LRRC4C: variants seen among roughly 807,000 people sequenced by gnomAD.
LRRC4C encodes the protein leucine rich repeat containing 4C.
LRRC4C carries 5 observed loss-of-function variants against 33.6 expected under a neutral mutation model. The ratio of observed to expected loss-of-function variants is 0.15; its 90% CI spans 0.08 to 0.31. The LOEUF (loss-of-function observed/expected upper bound fraction) is 0.31, where lower values mean the gene tolerates loss of function less well. LRRC4C is among the 10% of genes least tolerant of loss of function. The pLI is 1.00. For synonymous variants in LRRC4C, 329 were observed against 302.0 expected (o/e 1.09, Z -0.93); for missense variants, 560 against 796.7 (o/e 0.70, Z 3.58).
At chr11:40,555,335 A>G (rs917929626) in intron 3 of LRRC4C, among the ~76,000 whole-genome samples, 2 of 152,146 alleles carry the variant, frequency 1.3e-5, no homozygotes, top group African/African-American at 4.8e-5. Flanking sequence ...TGGTCCTGTC[A>G]AGATGTATAT....
intron 3 of LRRC4C, among the ~76,000 whole-genome samples, chr11:40,417,396 A>G (rs1325664855): frequency 6.6e-6 from 1 of 152,036 alleles, no homozygotes; most frequent in Non-Finnish European, 1.5e-5. Context: ...CAGTGGCATG[A>G]TCCCGGCTCA....
chr11:40,725,509 C>T (rs968686090), intron 2 of LRRC4C, among the ~76,000 whole-genome samples: 4 of 149,804 alleles, frequency 2.7e-5, no homozygotes, highest in Non-Finnish European at 4.4e-5. Flanking sequence ...GAGCGAGACT[C>T]TGTTTAAAAA....
chr11:41,028,055 C>T (rs544098371), intron 1 of LRRC4C, among the ~76,000 whole-genome samples: 1 of 151,726 alleles, frequency 6.6e-6, no homozygotes, highest in Non-Finnish European at 1.5e-5. Context: ...TGGCCTAGCA[C>T]AAAGGGATGC....
intron 1 of LRRC4C, among the ~76,000 whole-genome samples, chr11:41,386,275 T>C (rs553042040): frequency 6.6e-6 from 1 of 151,504 alleles, no homozygotes; most frequent in South Asian, 2.1e-4. Flanking sequence ...AAAAGAAAAG[T>C]TGAGATTATG....
chr11:40,835,253 A>T (rs1383909930), intron 2 of LRRC4C, among the ~76,000 whole-genome samples: 1 of 152,208 alleles, frequency 6.6e-6, no homozygotes, highest in Non-Finnish European at 1.5e-5. Flanking sequence ...AAAAAGAGTT[A>T]CTAAAAGAAT....
rs1388328805 is a variant in LRRC4C at position 41,145,513 on chromosome 11, T to C, written c.-495-211790A>G. 5.1e-5 allele frequency among the ~76,000 whole-genome samples: 6 copies of C among 118,714 alleles called. 1 individual carries two copies. In the East Asian group the frequency reaches 1.3e-3, roughly 26 times the overall value. 77.9% of individuals were successfully genotyped at this position (118,714 alleles called of 152,430 possible). A position where few individuals can be genotyped will look rare whatever the true frequency, so the allele number is the denominator to read the frequency against. On this transcript the variant is annotated intron_variant, in intron 1 of 6. Coordinates refer to ENST00000528697, the MANE Select transcript of LRRC4C (RefSeq NM_001258419.2). Reference sequence around the variant, plus strand: ...AGCCCATGCACATTTATTTATATATTGCCTATGGCTGCTTTTATGCTACAA... The same window carrying C: ...AGCCCATGCACATTTATTTATATATCGCCTATGGCTGCTTTTATGCTACAA...
chr11:41,098,150 C>T (rs1940936692), intron 1 of LRRC4C, among the ~76,000 whole-genome samples: 1 of 152,112 alleles, frequency 6.6e-6, no homozygotes, highest in African/African-American at 2.4e-5. Flanking sequence ...GGCTGCTCCT[C>T]TGCTTTCCTT....
At chr11:40,916,123 G>A (rs1172748419) in intron 2 of LRRC4C, among the ~76,000 whole-genome samples, 8 of 152,206 alleles carry the variant, frequency 5.3e-5, no homozygotes, top group Non-Finnish European at 1.0e-4. Context: ...TTCAACCATT[G>A]TGGAAGTCAG....
chr11:41,226,739 A>ATT (rs1947552888), intron 1 of LRRC4C, among the ~76,000 whole-genome samples: 1 of 65,932 alleles, frequency 1.5e-5, no homozygotes, highest in Non-Finnish European at 2.8e-5. Flanking sequence ...AATCCTTACC[A>ATT]TTACACACAC....
intron 3 of LRRC4C, among the ~76,000 whole-genome samples, chr11:40,417,899 A>G (rs1349046222): frequency 2.0e-5 from 3 of 152,176 alleles, no homozygotes; most frequent in African/African-American, 7.2e-5. Flanking sequence ...ACTTTGAATC[A>G]CGAGTCTGGT....
At chr11:41,320,456 C>T (rs1298041085) in intron 1 of LRRC4C, among the ~76,000 whole-genome samples, 1 of 152,192 alleles carries the variant, frequency 6.6e-6, no homozygotes, top group Non-Finnish European at 1.5e-5. Flanking sequence ...ATAGTGATTT[C>T]CATTTCTGTC....
chr11:41,138,458 GAGA>G (rs1446422514), intron 1 of LRRC4C, among the ~76,000 whole-genome samples: 1 of 152,146 alleles, frequency 6.6e-6, no homozygotes, highest in Non-Finnish European at 1.5e-5. Context: ...ACACTCCCTG[GAGA>G]AGGACATTTT....
chr11:40,749,308 C>A (rs1390069884), intron 2 of LRRC4C, among the ~76,000 whole-genome samples: 2 of 151,400 alleles, frequency 1.3e-5, no homozygotes, highest in African/African-American at 4.9e-5. Flanking sequence ...AGATTAATAC[C>A]AAGAGGCATT....
intron 3 of LRRC4C, among the ~76,000 whole-genome samples, chr11:40,475,455 G>T (rs553593032): frequency 6.6e-6 from 1 of 152,228 alleles, no homozygotes; most frequent in African/African-American, 2.4e-5. Flanking sequence ...CTGTCAGTGA[G>T]TGGGGGCTAG....
At chr11:41,219,139 T>G (rs1590968584) in intron 1 of LRRC4C, among the ~76,000 whole-genome samples, 1 of 152,288 alleles carries the variant, frequency 6.6e-6, no homozygotes, top group South Asian at 2.1e-4. Flanking sequence ...GTGAGCTGAC[T>G]TCTTATCGAA....
At chr11:40,584,012 G>T (rs535785018) in intron 3 of LRRC4C, among the ~76,000 whole-genome samples, 1 of 151,390 alleles carries the variant, frequency 6.6e-6, no homozygotes, top group Admixed American at 6.6e-5. Flanking sequence ...GCTTCCTAAG[G>T]TTGCAAAGAG....
chr11:40,550,634 C>T (rs1481168301), intron 3 of LRRC4C, among the ~76,000 whole-genome samples: 1 of 152,030 alleles, frequency 6.6e-6, no homozygotes, highest in African/African-American at 2.4e-5. Flanking sequence ...TTCTTCAATC[C>T]AGCTTCTCAA....
intron 1 of LRRC4C, among the ~76,000 whole-genome samples, chr11:41,173,606 C>T (rs547471548): frequency 6.6e-5 from 10 of 152,172 alleles, no homozygotes; most frequent in African/African-American, 1.2e-4. Flanking sequence ...AAATCCAAGT[C>T]GAAAATCATT....
chr11:41,138,920 C>T (rs1943382661), intron 1 of LRRC4C, among the ~76,000 whole-genome samples: 1 of 152,114 alleles, frequency 6.6e-6, no homozygotes, highest in Non-Finnish European at 1.5e-5. Flanking sequence ...TTAGAGAGAA[C>T]TTTTAAACCC....
Sources: gnomAD v4.1 joint callset for allele counts (sites outside exome capture counted in the v4.1 genomes callset) on GRCh38, gnomAD v4.1.1 for gene constraint, MANE v1.5 for transcripts, NCBI Gene and HGNC (gene_info 2026-07-23, HGNC 2026-07-21) for gene names.